The following CDK14 variants were observed in gnomAD, a reference collection of about 807,000 sequenced individuals.
CDK14 encodes cyclin-dependent kinase 14.
CDK14 carries 34 observed loss-of-function variants against 60.7 expected under a neutral mutation model. That is an observed-to-expected ratio of 0.56 (90% confidence interval 0.43 to 0.75). The LOEUF (loss-of-function observed/expected upper bound fraction) is 0.75. CDK14 is among the 30% of genes least tolerant of loss of function. The pLI, the probability that CDK14 is intolerant of heterozygous loss-of-function variation, is 0.00. For synonymous variants in CDK14, 197 were observed against 203.7 expected (o/e 0.97, Z 0.28); for missense variants, 482 against 564.1 (o/e 0.85, Z 1.47).
chr7:90,650,631 TG>T (rs1800613245), intron 2 of CDK14, among the ~76,000 whole-genome samples: 1 of 152,218 alleles, frequency 6.6e-6, no homozygotes. Context: ...AATTAATTTT[TG>T]TGTAAGGTGT....
chr7:90,925,724 T>C (rs1793396425), intron 8 of CDK14, among the ~76,000 whole-genome samples: 1 of 150,836 alleles, frequency 6.6e-6, no homozygotes, highest in African/African-American at 2.4e-5. Flanking sequence ...AAATAAATAA[T>C]GACATGTGAG....
At chr7:90,989,086 A>G (rs1431770925) in intron 10 of CDK14, among the ~76,000 whole-genome samples, 2 of 151,884 alleles carry the variant, frequency 1.3e-5, no homozygotes, top group Admixed American at 6.6e-5. Context: ...TTTGAGTTGG[A>G]TTATTCCTTA....
At chr7:90,814,545 G>A (rs1789272410) in intron 5 of CDK14, among the ~76,000 whole-genome samples, 1 of 152,198 alleles carries the variant, frequency 6.6e-6, no homozygotes. Context: ...CACTTTGGGA[G>A]CCTGAGGCAG....
chr7:91,204,603 G>C (rs1248783792), intron 14 of CDK14, among the ~76,000 whole-genome samples: 1 of 152,158 alleles, frequency 6.6e-6, no homozygotes, highest in African/African-American at 2.4e-5. Context: ...CAAAGGACTT[G>C]AATAGACATT....
chr7:90,738,105 GGT>G (rs1415122946), intron 3 of CDK14, among the ~76,000 whole-genome samples: 5 of 148,222 alleles, frequency 3.4e-5, no homozygotes, highest in Non-Finnish European at 7.6e-5. Context: ...TGTGGGTGAG[GGT>G]TAGGACTCTG....
At chr7:91,039,075 C>G (rs528875453) in intron 10 of CDK14, among the ~76,000 whole-genome samples, 1 of 144,356 alleles carries the variant, frequency 6.9e-6, no homozygotes, top group East Asian at 1.9e-4. Flanking sequence ...TACACACACT[C>G]TCTTCTGTCT....
At chr7:90,665,436 T>C (rs1390355786) in intron 2 of CDK14, among the ~76,000 whole-genome samples, 3 of 152,248 alleles carry the variant, frequency 2.0e-5, no homozygotes, top group Admixed American at 2.0e-4. Context: ...TTGAGGAGTT[T>C]AGCAGAAAGC....
chr7:90,759,329 G>C lies in CDK14; in HGVS notation c.464+11554G>C, dbSNP rs192902100. 8.5e-4 allele frequency among the ~76,000 whole-genome samples: 129 copies of C among 152,266 alleles called. 1 individual carries two copies. The highest frequency in any genetic ancestry group is 3.0e-3 in the African/African-American group (126 of 41,536). ...TGAGATATTCACTCATTGGTTATCA[G>C]ACTCTCCACTAAATTTGTTGAACTT... On this transcript the variant is annotated intron_variant, in intron 4 of 14. Coordinates refer to ENST00000380050, the MANE Select transcript of CDK14 (RefSeq NM_001287135.2).
At chr7:91,052,004 C>T (rs1043122687) in intron 11 of CDK14, among the ~76,000 whole-genome samples, 6 of 152,242 alleles carry the variant, frequency 3.9e-5, no homozygotes, top group Non-Finnish European at 7.3e-5. Context: ...CAGATCAGGG[C>T]GGAATACACG....
chr7:90,819,465 G>A (rs1420094411), intron 5 of CDK14, among the ~76,000 whole-genome samples: 2 of 149,972 alleles, frequency 1.3e-5, no homozygotes, highest in Non-Finnish European at 3.0e-5. Flanking sequence ...TGCAATTTGT[G>A]TTTTACATTT....
intron 10 of CDK14, among the ~76,000 whole-genome samples, chr7:90,997,991 A>C (rs1186678320): frequency 1.3e-5 from 2 of 152,202 alleles, no homozygotes; most frequent in East Asian, 3.8e-4. Flanking sequence ...AAAGGAACTA[A>C]AATTGATTTT....
At chr7:91,139,136 A>G (rs1259430298) in intron 14 of CDK14, among the ~76,000 whole-genome samples, 3 of 152,082 alleles carry the variant, frequency 2.0e-5, no homozygotes, top group African/African-American at 7.2e-5. Context: ...GTGCTCCCTC[A>G]AGAGGGAGGA....
At chr7:90,632,367 G>T in intron 2 of CDK14, 1 of 306,302 alleles carries the variant, frequency 3.3e-6, no homozygotes, top group Non-Finnish European at 6.9e-6. Context: ...CAGTGCTGTG[G>T]GTGGTAATTG....
chr7:90,678,159 G>T (rs1801237900), intron 2 of CDK14, among the ~76,000 whole-genome samples: 1 of 152,208 alleles, frequency 6.6e-6, no homozygotes, highest in South Asian at 2.1e-4. Flanking sequence ...TAACATAGGG[G>T]CTTTAAGGGA....
chr7:91,006,685 TTTATTAAA>T (rs1221280084), intron 10 of CDK14, among the ~76,000 whole-genome samples: 3 of 152,364 alleles, frequency 2.0e-5, no homozygotes, highest in African/African-American at 7.2e-5. Context: ...TCTGGTAATG[TTTATTAAA>T]ACTTTCACTT....
chr7:91,053,955 GA>G (rs1797473721), intron 11 of CDK14, among the ~76,000 whole-genome samples: 2 of 152,096 alleles, frequency 1.3e-5, no homozygotes, highest in Admixed American at 6.5e-5. Flanking sequence ...TAAATTAAAT[GA>G]GATAAACTAT....
At chr7:91,016,060 C>T (rs1358431128) in intron 10 of CDK14, among the ~76,000 whole-genome samples, 1 of 152,018 alleles carries the variant, frequency 6.6e-6, no homozygotes, top group Non-Finnish European at 1.5e-5. Context: ...CCTATATGAA[C>T]CATCATTAAA....
At chr7:90,677,965 A>G (rs890939174) in intron 2 of CDK14, among the ~76,000 whole-genome samples, 4 of 152,178 alleles carry the variant, frequency 2.6e-5, no homozygotes, top group African/African-American at 9.6e-5. Context: ...GAGCTGGGCC[A>G]CTGAGTTGCC....
chr7:91,162,252 A>T (rs1489884186), intron 14 of CDK14, among the ~76,000 whole-genome samples: 2 of 152,232 alleles, frequency 1.3e-5, no homozygotes, highest in East Asian at 3.8e-4. Flanking sequence ...TTTATTTTTC[A>T]GATATTCTTA....
Sources: allele counts gnomAD v4.1 joint callset (sites outside exome capture counted in the v4.1 genomes callset), GRCh38; gene constraint gnomAD v4.1.1; transcripts MANE v1.5; gene names NCBI Gene and HGNC (gene_info 2026-07-23, HGNC 2026-07-21).